OTUD7A: variants seen among roughly 807,000 people sequenced by gnomAD.
The protein encoded by OTUD7A is OTU deubiquitinase 7A, also known as OTU domain-containing protein 7A.
A neutral mutation model predicts 65.7 loss-of-function variants in OTUD7A; 12 were observed. The ratio of observed to expected loss-of-function variants is 0.18; its 90% CI spans 0.12 to 0.30. The LOEUF is 0.30. Ranked by LOEUF, OTUD7A falls within the 10% of genes least tolerant of loss-of-function variation. The probability of loss-of-function intolerance (pLI) is 1.00; values close to 1 mark genes in which losing one functional copy is unlikely to be tolerated. For synonymous variants in OTUD7A, 641 were observed against 586.3 expected, an observed-to-expected ratio of 1.09 and a Z score of -1.35; for missense variants, 1,148 against 1,304.8, an observed-to-expected ratio of 0.88 and a Z score of 1.85.
At chr15:31,781,956 T>C (rs1401613226) in intron 1 of OTUD7A, among the ~76,000 whole-genome samples, 1 of 152,266 alleles carries the variant, frequency 6.6e-6, no homozygotes, top group Non-Finnish European at 1.5e-5. Flanking sequence ...TTTCCTGAAA[T>C]CAATTGCTAG....
At chr15:31,724,185 G>T (rs1893822260) in intron 1 of OTUD7A, among the ~76,000 whole-genome samples, 1 of 152,086 alleles carries the variant, frequency 6.6e-6, no homozygotes, top group East Asian at 1.9e-4. Flanking sequence ...TATCATTGGT[G>T]GCTTGTCTTT....
chr15:31,555,851 T>TTTTTTTTTTTTC (rs1555396061), intron 5 of OTUD7A: 18,610 of 103,202 alleles, frequency 0.18, 4,049 homozygotes, highest in African/African-American at 0.5. Flanking sequence ...GTTCTTTTTC[T>TTTTTTTTTTTTC]TTTTTTTTTT....
chr15:31,654,880 A>T (rs1891942739), intron 3 of OTUD7A, among the ~76,000 whole-genome samples: 1 of 152,128 alleles, frequency 6.6e-6, no homozygotes. Flanking sequence ...CCACAAAAGT[A>T]TTTTCTTGAA....
chr15:31,603,707 C>T (rs1394080470), intron 3 of OTUD7A, among the ~76,000 whole-genome samples: 1 of 151,954 alleles, frequency 6.6e-6, no homozygotes, highest in South Asian at 2.1e-4. Context: ...TAACAATGGG[C>T]TAATATCTAG....
rs886115375 is a variant in OTUD7A, at chr15:31,482,686, G to A, written c.*608C>T. The A allele has an allele frequency of 1.3e-5, 2 of 152,268 alleles. No homozygotes were observed. The highest frequency in any genetic ancestry group is 4.8e-5 in the African/African-American group (2 of 41,442). The allele number at this position is 152,268 out of a possible 1,614,324, so 9.4% of individuals were successfully genotyped here. A position where few individuals can be genotyped will look rare whatever the true frequency, so the allele number is the denominator to read the frequency against. On this transcript the variant is annotated 3_prime_UTR_variant, in exon 13 of 13. Transcript: ENST00000307050. ...GTGAATGGTGCTTGAGCCGGGGCTG[G>A]GGGAGGAGGTTTTGCTTATGAAATG... is the stretch of plus-strand genomic sequence containing the variant.
intron 1 of OTUD7A, among the ~76,000 whole-genome samples, chr15:31,850,373 A>C (rs1300173349): frequency 6.6e-6 from 1 of 151,378 alleles, no homozygotes; most frequent in African/African-American, 2.4e-5. Flanking sequence ...GAACACTTGG[A>C]CACAGGGTGG....
intron 3 of OTUD7A, 56 bp from the exon 4 acceptor site, chr15:31,570,253 T>A (rs1889007949): frequency 1.3e-6 from 2 of 1,556,084 alleles, no homozygotes; most frequent in Admixed American, 3.4e-5. Context: ...AACGGTCTCA[T>A]CATAGAGAAG....
rs534503573 is a variant in OTUD7A at position 31,687,353 on chromosome 15, G to A, written c.-99-30276C>T. Among the ~76,000 whole-genome samples, 80 of 152,304 alleles carry A rather than the reference G, an allele frequency of 5.3e-4. 1 individual carries two copies. The highest frequency in any genetic ancestry group is 1.7e-3 in the African/African-American group (70 of 41,574). On this transcript the variant is annotated intron_variant, in intron 1 of 12. Coordinates refer to ENST00000307050, the MANE Select transcript of OTUD7A (RefSeq NM_001382637.1). Reference sequence around the variant, plus strand: ...TAACTGCAGGGACACAGAGCGTGGGGCCTCTGCTCTGTCACTCAGATTTAT... The same window carrying A: ...TAACTGCAGGGACACAGAGCGTGGGACCTCTGCTCTGTCACTCAGATTTAT...
chr15:31,559,647 CATAG>C (rs1258478476), intron 4 of OTUD7A, among the ~76,000 whole-genome samples: 3 of 152,152 alleles, frequency 2.0e-5, no homozygotes, highest in Non-Finnish European at 4.4e-5. Context: ...CAGACACACA[CATAG>C]AAACAGTTGG....
intron 4 of OTUD7A, among the ~76,000 whole-genome samples, chr15:31,561,392 C>T (rs1216072902): frequency 1.3e-5 from 2 of 152,102 alleles, no homozygotes; most frequent in South Asian, 4.1e-4. Flanking sequence ...CCCCATTTTT[C>T]GGAATCTGAT....
At chr15:31,548,496 TGGCATG>T (rs990989912) in intron 5 of OTUD7A, among the ~76,000 whole-genome samples, 1 of 152,088 alleles carries the variant, frequency 6.6e-6, no homozygotes, top group Non-Finnish European at 1.5e-5. Context: ...GGAGGTCTCG[TGGCATG>T]GGCAGGATGA....
rs1896773217 is a variant in OTUD7A, at chr15:31,825,346, A to T, written c.-100+45161T>A. 2.6e-5 allele frequency among the ~76,000 whole-genome samples: 4 copies of T among 152,246 alleles called. No individual in the cohort carries two copies. The South Asian group carries it at 8.3e-4, about 32-fold the overall frequency. On this transcript the variant is annotated intron_variant, in intron 1 of 12. Coordinates refer to ENST00000307050, the MANE Select transcript of OTUD7A (RefSeq NM_001382637.1). ...CAAAGAGGAGCAAGTCACATCTTAC[A>T]TGGATGGAAGCAGGCAAGGAAAGAA...
At chr15:31,698,183 C>T (rs932772284) in intron 1 of OTUD7A, among the ~76,000 whole-genome samples, 18 of 152,200 alleles carry the variant, frequency 1.2e-4, no homozygotes, top group African/African-American at 4.3e-4. Context: ...GGAAACAGTC[C>T]CTTATTCTCT....
chr15:31,675,988 T>C (rs1188605787), intron 1 of OTUD7A, among the ~76,000 whole-genome samples: 1 of 152,184 alleles, frequency 6.6e-6, no homozygotes, highest in Non-Finnish European at 1.5e-5. Flanking sequence ...CAATACAGAA[T>C]TTTTTGTGGA....
intron 10 of OTUD7A, among the ~76,000 whole-genome samples, chr15:31,493,871 G>A (rs1000616405): frequency 3.3e-5 from 5 of 152,220 alleles, no homozygotes; most frequent in Non-Finnish European, 5.9e-5. Flanking sequence ...TAGGGGAAAA[G>A]TTATAGCATT....
intron 1 of OTUD7A, among the ~76,000 whole-genome samples, chr15:31,688,388 G>A (rs1487297575): frequency 6.6e-6 from 1 of 152,140 alleles, no homozygotes; most frequent in Non-Finnish European, 1.5e-5. Flanking sequence ...GGTCCAGATT[G>A]TGCAGCACTC....
At chr15:31,763,428 G>A (rs1895022905) in intron 1 of OTUD7A, among the ~76,000 whole-genome samples, 1 of 152,126 alleles carries the variant, frequency 6.6e-6, no homozygotes, top group African/African-American at 2.4e-5. Context: ...TTAAATGGCA[G>A]AATGGAGATA....
intron 1 of OTUD7A, among the ~76,000 whole-genome samples, chr15:31,805,548 T>C (rs575674028): frequency 2.6e-5 from 4 of 152,362 alleles, no homozygotes; most frequent in African/African-American, 9.6e-5. Context: ...GGGAGGCCTG[T>C]GATTTATCAA....
intron 3 of OTUD7A, among the ~76,000 whole-genome samples, chr15:31,626,385 T>C (rs536114947): frequency 2.0e-5 from 3 of 152,310 alleles, no homozygotes; most frequent in African/African-American, 7.2e-5. Context: ...ATGTTAATTG[T>C]AGAATCTAGG....
Sources: allele counts gnomAD v4.1 joint callset (sites outside exome capture counted in the v4.1 genomes callset), GRCh38; gene constraint gnomAD v4.1.1; transcripts MANE v1.5; gene names NCBI Gene and HGNC (gene_info 2026-07-23, HGNC 2026-07-21).